Variants in SMPD3 observed in about 807,000 individuals in gnomAD.
The protein encoded by SMPD3 is sphingomyelin phosphodiesterase 3.
Under a neutral mutation model 55.7 loss-of-function variants are expected in SMPD3, and 21 were observed. That is an observed-to-expected ratio of 0.38 (90% CI 0.27 to 0.54). The LOEUF (loss-of-function observed/expected upper bound fraction) is 0.54. Among genes scored for constraint, SMPD3 ranks in the 20% least tolerant of loss-of-function variants. The pLI, the probability that SMPD3 is intolerant of heterozygous loss-of-function variation, is 0.80. For missense variants in SMPD3, 842 were observed against 899.6 expected (o/e 0.94, Z 0.82); for synonymous variants, 457 against 404.3 (o/e 1.13, Z -1.56).
chr16:68,441,955 G>A (rs192391708), intron 1 of SMPD3, among the ~76,000 whole-genome samples: 17 of 151,988 alleles, frequency 1.1e-4, no homozygotes, highest in Admixed American at 2.6e-4. Context: ...TTATAGAGAC[G>A]GGGTCTCACT....
chr16:68,386,385 G>C (rs34003584), intron 2 of SMPD3, among the ~76,000 whole-genome samples: 1 of 152,122 alleles, frequency 6.6e-6, no homozygotes, highest in African/African-American at 2.4e-5. Context: ...CTCCGCTTGA[G>C]TCAGGTTCAG....
chr16:68,380,328 G>A (rs1438791971), intron 2 of SMPD3, among the ~76,000 whole-genome samples: 1 of 152,268 alleles, frequency 6.6e-6, no homozygotes, highest in Admixed American at 6.5e-5. Flanking sequence ...AGGAGGCCAG[G>A]GGCAAAGTCT....
chr16:68,391,874 A>T (rs2090114184), intron 1 of SMPD3, among the ~76,000 whole-genome samples: 1 of 152,180 alleles, frequency 6.6e-6, no homozygotes. Flanking sequence ...CGATGGTGCG[A>T]CTTAAGAATT....
chr16:68,425,418 T>A (rs1334610941), intron 1 of SMPD3, among the ~76,000 whole-genome samples: 3 of 152,086 alleles, frequency 2.0e-5, no homozygotes, highest in South Asian at 2.1e-4. Context: ...AGGTTTCACA[T>A]GAATAATCAG....
At chr16:68,433,463 A>G (rs928039890) in intron 1 of SMPD3, among the ~76,000 whole-genome samples, 3 of 152,154 alleles carry the variant, frequency 2.0e-5, no homozygotes, top group African/African-American at 7.2e-5. Flanking sequence ...GGGGCTAGAG[A>G]TGAATTCAGG....
At chr16:68,376,876 C>T (rs1237997366) in intron 2 of SMPD3, among the ~76,000 whole-genome samples, 1 of 152,188 alleles carries the variant, frequency 6.6e-6, no homozygotes, top group Non-Finnish European at 1.5e-5. Context: ...TGAGTGCAAC[C>T]CTGCACTAGT....
At chr16:68,370,465 C>T (rs74024632) in intron 3 of SMPD3, among the ~76,000 whole-genome samples, 1,687 of 152,282 alleles carry the variant, frequency 0.011, 35 homozygotes, top group African/African-American at 0.039. Context: ...CCTGTTCTTC[C>T]TCACTTTATC....
rs573673942 is a variant in SMPD3 at position 68,388,310 on chromosome 16, G to A, written c.-268-1651C>T. ...TCCAGCCTGCCGGGAAGCAGAGGGTGACCTGCTGTCCCGGCCTGTCCTCTG... is the reference window on the plus strand; with the variant it reads ...TCCAGCCTGCCGGGAAGCAGAGGGTAACCTGCTGTCCCGGCCTGTCCTCTG... On this transcript the variant is annotated intron_variant, in intron 1 of 8. Transcript: ENST00000219334. Among the ~76,000 whole-genome samples, 509 of 152,220 alleles carry A rather than the reference G, an allele frequency of 3.3e-3. 7 individuals carry two copies. Among genetic ancestry groups the A allele is most frequent in the African/African-American group, 0.011 (472 of 41,522 alleles).
rs1163448797 is a variant in SMPD3, at chr16:68,361,076, G to C, written c.*130C>G. 3.3e-5 allele frequency: 27 copies of C among 813,282 alleles called. 1 individual carries two copies. In the South Asian group the frequency reaches 4.2e-4, roughly 13 times the overall value. 50.4% of individuals were successfully genotyped at this position (813,282 alleles called of 1,614,324 possible). A position where few individuals can be genotyped will look rare whatever the true frequency, so the allele number is the denominator to read the frequency against. On this transcript the variant is annotated 3_prime_UTR_variant, in exon 9 of 9. Coordinates refer to ENST00000219334, the MANE Select transcript of SMPD3 (RefSeq NM_018667.4). ...GAGCAGCGCAGCTTCCAGGTTCCCG[G>C]GCACTGACTGTGGCTCCCTCCCTGT...
intron 1 of SMPD3, among the ~76,000 whole-genome samples, chr16:68,409,654 C>T (rs1288215909): frequency 6.6e-6 from 1 of 152,130 alleles, no homozygotes; most frequent in South Asian, 2.1e-4. Flanking sequence ...AGTGCAGTGG[C>T]GCGATCTCGG....
intron 1 of SMPD3, among the ~76,000 whole-genome samples, chr16:68,424,692 T>G (rs1357345828): frequency 2.0e-5 from 3 of 152,216 alleles, no homozygotes; most frequent in African/African-American, 4.8e-5. Flanking sequence ...TCTTCATGAC[T>G]CTATTATAAA....
In SMPD3 at chr16:68,447,626, T is replaced by TC. The variant is rs2090620713; in HGVS notation, c.-269+726dup. 6.6e-6 allele frequency among the ~76,000 whole-genome samples: 1 copy of TC among 151,910 alleles called. No homozygotes were observed. Among genetic ancestry groups the TC allele is most frequent in the Admixed American group, 6.5e-5 (1 of 15,276 alleles). On this transcript the variant is annotated intron_variant, in intron 1 of 8. Coordinates refer to ENST00000219334, the MANE Select transcript of SMPD3 (RefSeq NM_018667.4). The surrounding 1 kb of genome is among the most constrained non-coding windows in gnomAD (Gnocchi z 5.1). ...GGGATTCCGAGTGTCAGTGCTTTCC[T>TC]CCACCCGCGACTCCGAGAAGGATGG... is the stretch of plus-strand genomic sequence containing the variant.
intron 7 of SMPD3, among the ~76,000 whole-genome samples, chr16:68,363,108 A>G (rs1216894708): frequency 6.6e-6 from 1 of 152,134 alleles, no homozygotes; most frequent in Non-Finnish European, 1.5e-5. Flanking sequence ...TTGGTGCTGC[A>G]AGCTGCCAGG....
chr16:68,379,755 GTATTAC>G (rs1309041736), intron 2 of SMPD3, among the ~76,000 whole-genome samples: 1 of 152,238 alleles, frequency 6.6e-6, no homozygotes, highest in Admixed American at 6.5e-5. Context: ...TTCACAGGAG[GTATTAC>G]TGCACCGTGT....
intron 1 of SMPD3, among the ~76,000 whole-genome samples, chr16:68,434,813 G>C (rs1361724506): frequency 6.6e-6 from 1 of 152,200 alleles, no homozygotes; most frequent in Non-Finnish European, 1.5e-5. Flanking sequence ...TTTCTAAGCA[G>C]CTCTGCTTAT....
At chr16:68,418,339 CTT>C (rs2090355828) in intron 1 of SMPD3, among the ~76,000 whole-genome samples, 2 of 148,988 alleles carry the variant, frequency 1.3e-5, no homozygotes, top group Admixed American at 6.7e-5. Flanking sequence ...AACTAAGACT[CTT>C]TATGTAAATG....
intron 2 of SMPD3, among the ~76,000 whole-genome samples, chr16:68,380,117 G>C (rs531144331): frequency 8.5e-5 from 13 of 152,262 alleles, no homozygotes; most frequent in Non-Finnish European, 1.3e-4. Context: ...ACCACAAAGG[G>C]TGCCAGCAAG....
At position 68,372,127 on chromosome 16, in the gene SMPD3, C is replaced by G. The variant is rs1390134785; in HGVS notation, c.55G>C (p.Val19Leu). The G allele has an allele frequency of 6.2e-7, 1 of 1,612,772 alleles. No individual in the cohort carries two copies. The highest frequency in any genetic ancestry group is 1.7e-5 in the Admixed American group (1 of 59,794). The change falls in exon 3 of 9, where the codon GTG becomes CTG. Residue 19 changes from valine (V) to leucine (L), a missense_variant. By Grantham distance (32) the Val-to-Leu change is conservative. This residue lies in a region of SMPD3 where 193 missense variants were observed against 256.0 expected (regional missense o/e 0.75). Transcript: ENST00000219334. ...CATGGAAAGATAAGGGCCCAGGACACACAGTGCAGGGCGGACAGACAGCTG... is the reference window on the plus strand; with the variant it reads ...CATGGAAAGATAAGGGCCCAGGACAGACAGTGCAGGGCGGACAGACAGCTG... ...PNSCLSALHC[V>L]SWALIFPCYW...
At chr16:68,436,877 T>C (rs2090526690) in intron 1 of SMPD3, among the ~76,000 whole-genome samples, 1 of 152,182 alleles carries the variant, frequency 6.6e-6, no homozygotes, top group Non-Finnish European at 1.5e-5. Flanking sequence ...TATACGAGCT[T>C]CTGAAATACA....
Sources: gnomAD v4.1 joint callset for allele counts (sites outside exome capture counted in the v4.1 genomes callset) on GRCh38, gnomAD v4.1.1 for gene constraint, gnomAD v4.1.1 regional missense constraint, Gnocchi (gnomAD v3.1) non-coding constraint, MANE v1.5 for transcripts, NCBI Gene and HGNC (gene_info 2026-07-23, HGNC 2026-07-21) for gene names.